Variants in MOV10 observed in about 807,000 individuals in gnomAD.
MOV10 encodes RNA helicase MOV-10.
Under a neutral mutation model 108.4 loss-of-function variants are expected in MOV10, and 39 were observed. That is an observed-to-expected ratio of 0.36 (90% CI 0.28 to 0.47). The LOEUF (loss-of-function observed/expected upper bound fraction) is 0.47, where lower values mean the gene tolerates loss of function less well. Ranked by LOEUF, MOV10 falls within the 20% of genes least tolerant of loss-of-function variation. The pLI is 1.00. For synonymous variants in MOV10, 490 were observed against 523.1 expected, an observed-to-expected ratio of 0.94 and a Z score of 0.86; for missense variants, 952 against 1,297.6, an observed-to-expected ratio of 0.73 and a Z score of 4.09.
At chr1:112,679,440 G>C (rs1672457078) in intron 2 of MOV10, among the ~76,000 whole-genome samples, 1 of 152,104 alleles carries the variant, frequency 6.6e-6, no homozygotes. Context: ...AACGTTTTCT[G>C]TTGATGTTAT....
chr1:112,696,383 G>C (rs1674091153), intron 12 of MOV10, 54 bp from the exon 13 acceptor site: 4 of 1,491,302 alleles, frequency 2.7e-6, no homozygotes, highest in Admixed American at 3.3e-5. Context: ...AAAGCATTCA[G>C]GTTTGGTAGT....
At position 112,694,697 on chromosome 1, in the gene MOV10, G is replaced by A. The variant is rs554565399; in HGVS notation, c.1473-52G>A. 1 of 1,599,498 alleles carries A rather than the reference G, an allele frequency of 6.3e-7. No homozygotes were observed. The highest frequency in any genetic ancestry group is 2.2e-5 in the East Asian group (1 of 44,678). Reference sequence around the variant, plus strand: ...GGGCACAGGGGGTGGAGTCAGGGAGGCCTCTGGGTCACTGGATGACTTCAA... The same window carrying A: ...GGGCACAGGGGGTGGAGTCAGGGAGACCTCTGGGTCACTGGATGACTTCAA... On this transcript the variant is annotated intron_variant, in intron 9 of 20. Coordinates refer to ENST00000369645, the MANE Select transcript of MOV10 (RefSeq NM_001321324.2). This position sits in a 1 kb window ranked among gnomAD's most constrained non-coding sequence, Gnocchi z 4.1.
chr1:112,675,351 A>C lies in MOV10; in HGVS notation c.137+302A>C, dbSNP rs1365544559. Reference sequence around the variant, plus strand: ...GGGCCGGGAGCTGCGTCCCGCGTCCATGCGCCGCTCGCGGGGGCTGAGGGA... The same window carrying C: ...GGGCCGGGAGCTGCGTCCCGCGTCCCTGCGCCGCTCGCGGGGGCTGAGGGA... On this transcript the variant is annotated intron_variant, in intron 2 of 20. Coordinates refer to ENST00000369645, the MANE Select transcript of MOV10 (RefSeq NM_001321324.2). The surrounding 1 kb of genome is among the most constrained non-coding windows in gnomAD (Gnocchi z 4.7). Among the ~76,000 whole-genome samples, 2 of 152,042 alleles carry C rather than the reference A, an allele frequency of 1.3e-5. No individual in the cohort carries two copies. Among genetic ancestry groups the C allele is most frequent in the African/African-American group, 4.8e-5 (2 of 41,424 alleles).
rs1465267472 is a variant in MOV10 at position 112,700,457 on chromosome 1, G to C, written c.2962G>C (p.Glu988Gln). 1 of 1,613,934 alleles carries C rather than the reference G, an allele frequency of 6.2e-7. No individual in the cohort carries two copies. The highest frequency in any genetic ancestry group is 1.7e-5 in the Admixed American group (1 of 59,990). The change falls in exon 21 of 21, where the codon GAA becomes CAA. Residue 988 changes from glutamate to glutamine, a missense_variant. This residue lies in a region of MOV10 where 42 missense variants were observed against 36.5 expected (regional missense o/e 1.15). Transcript: ENST00000369645. ...CTACCTCCCCCAGGAGCGGGAGGGT[G>C]AAGGGGGCCTGTCTCTGCAAGTGGA... ...HDYLPQEREGEGGLSLQVEPE... is the reference protein window; with the variant it reads ...HDYLPQEREGQGGLSLQVEPE...
rs1480404698 is a variant in MOV10, at chr1:112,689,888, A to G, written c.626A>G (p.Tyr209Cys). 6.2e-7 allele frequency: 1 copy of G among 1,614,186 alleles called. No individual in the cohort carries two copies. The highest frequency in any genetic ancestry group is 2.2e-5 in the East Asian group (1 of 44,890). The change falls in exon 5 of 21, where the codon TAC becomes TGC. Residue 209 changes from tyrosine (Y) to cysteine (C), a missense_variant. By Grantham distance (194) the Tyr-to-Cys change is radical (BLOSUM62 -2). Around this residue, in one of 5 missense-constraint regions of MOV10, gnomAD observed 374 missense variants for 468.6 expected, o/e 0.80. Transcript: ENST00000369645. ...HVHCKTSFVG[Y>C]FPATVLWELL... ...CATTGTAAGACCAGCTTTGTGGGCT[A>G]CTTCCCAGCCACAGTGCTCTGGGAG...
At position 112,698,757 on chromosome 1, in the gene MOV10, C is replaced by T; in HGVS notation, c.2551C>T (p.Leu851Phe). The T allele has an allele frequency of 6.2e-7, 1 of 1,614,184 alleles. No individual in the cohort carries two copies. Residue 851 changes from leucine (L) to phenylalanine (F), a missense_variant, in exon 17 of 21, where the codon CTT becomes TTT. This residue lies in a region of MOV10 where 453 missense variants were observed against 611.5 expected (regional missense o/e 0.74). Transcript: ENST00000369645. ...CTGCATCACCAAACTTGACAGGGAG[C>T]TTCGAGGACTGGATGACATCAAGGA... ...RYCITKLDRE[L>F]RGLDDIKDLK...
chr1:112,696,568 C>T (rs1164720528), intron 13 of MOV10, 34 bp downstream of exon 13: 2 of 1,610,576 alleles, frequency 1.2e-6, no homozygotes, highest in African/African-American at 1.3e-5. Flanking sequence ...AGGTATACAC[C>T]CTGTGTGGGT....
In MOV10 at chr1:112,692,738, C is replaced by T. The variant is rs754251226; in HGVS notation, c.972-23C>T. On this transcript the variant is annotated intron_variant, in intron 6 of 20. Coordinates refer to ENST00000369645, the MANE Select transcript of MOV10 (RefSeq NM_001321324.2). ...CCCATCCTGTTCCTGCCCCCACTCACCCCTCCCAACCATCATTTCCAGGGC... is the reference window on the plus strand; with the variant it reads ...CCCATCCTGTTCCTGCCCCCACTCATCCCTCCCAACCATCATTTCCAGGGC... The T allele has an allele frequency of 2.5e-5, 40 of 1,612,452 alleles. No individual in the cohort carries two copies. In the East Asian group the frequency reaches 8.5e-4, roughly 34 times the overall value.
chr1:112,697,298 C>T (rs565834951), intron 14 of MOV10, among the ~76,000 whole-genome samples: 1 of 152,048 alleles, frequency 6.6e-6, no homozygotes, highest in African/African-American at 2.4e-5. Context: ...GGTGAAACCC[C>T]ATCTCTACTA....
chr1:112,688,048 G>GC (rs1673225879), intron 2 of MOV10, among the ~76,000 whole-genome samples: 1 of 151,950 alleles, frequency 6.6e-6, no homozygotes, highest in African/African-American at 2.4e-5. Context: ...CACCTCCTCT[G>GC]CCCCCAGACT....
intron 2 of MOV10, among the ~76,000 whole-genome samples, chr1:112,678,221 C>G (rs1481000121): frequency 1.3e-5 from 2 of 152,066 alleles, no homozygotes; most frequent in African/African-American, 4.8e-5. Flanking sequence ...GCATATTACA[C>G]TGGCTTTGTT....
rs779370835 is a variant in MOV10, at chr1:112,691,782, G to A, written c.954G>A (p.Lys318=). The change falls in exon 6 of 21, where the codon AAG becomes AAA. Residue 318 remains lysine (K), a synonymous_variant. Coordinates refer to ENST00000369645, the MANE Select transcript of MOV10 (RefSeq NM_001321324.2). The part of the protein sequence containing the change: ...LQGTSIFTAP[K]EIAEIKAQLE... ...GAACAAGTATCTTCACTGCCCCTAAGGAGATCGCAGAGATCAAGTAAGTAC... is the reference window on the plus strand; with the variant it reads ...GAACAAGTATCTTCACTGCCCCTAAAGAGATCGCAGAGATCAAGTAAGTAC... 2 of 1,614,026 alleles carry A rather than the reference G, an allele frequency of 1.2e-6. No homozygotes were observed. Among genetic ancestry groups the A allele is most frequent in the South Asian group, 1.1e-5 (1 of 91,076 alleles).
At chr1:112,693,375 G>T (rs1379878633) in intron 7 of MOV10, among the ~76,000 whole-genome samples, 1 of 152,160 alleles carries the variant, frequency 6.6e-6, no homozygotes, top group Non-Finnish European at 1.5e-5. Context: ...CAAGTTTTTT[G>T]TTGTTGTTGT....
At chr1:112,680,567 A>C (rs1672543855) in intron 2 of MOV10, among the ~76,000 whole-genome samples, 1 of 147,446 alleles carries the variant, frequency 6.8e-6, no homozygotes, top group Non-Finnish European at 1.5e-5. Flanking sequence ...GAGGCAGGAG[A>C]ATGGCCTGAA....
Position 112,694,313 on chromosome 1 carries a change from C to T in MOV10, c.1296-140C>T, listed in dbSNP as rs1241447590. ...TCCTCAGGGGTACCCTGAGATGCTA[C>T]GGCAGCTTCCTCTTCTAGAGAACTT... On this transcript the variant is annotated intron_variant, in intron 8 of 20. Transcript: ENST00000369645. This position sits in a 1 kb window ranked among gnomAD's most constrained non-coding sequence, Gnocchi z 4.1. The T allele has an allele frequency of 1.6e-5, 23 of 1,396,466 alleles. No homozygotes were observed. The highest frequency in any genetic ancestry group is 3.8e-5 in the South Asian group (3 of 78,948). 86.5% of individuals were successfully genotyped at this position (1,396,466 alleles called of 1,614,324 possible).
intron 3 of MOV10, 135 bp downstream of exon 3, chr1:112,689,273 G>A: frequency 1.6e-6 from 2 of 1,220,380 alleles, no homozygotes; most frequent in Non-Finnish European, 2.3e-6. Flanking sequence ...GGAAGGGCAG[G>A]GAACTGGTCT....
intron 6 of MOV10, 132 bp downstream of exon 6, chr1:112,691,931 A>C: frequency 2.1e-6 from 2 of 940,260 alleles, no homozygotes; most frequent in Non-Finnish European, 3.2e-6. Context: ...CGCACCATAC[A>C]CCAAGCACCA....
intron 11 of MOV10, 63 bp downstream of exon 11, chr1:112,695,637 C>A (rs1250577972): frequency 7.1e-6 from 11 of 1,546,800 alleles, no homozygotes; most frequent in African/African-American, 2.7e-5. Context: ...AGGGCAGACA[C>A]TGAGGCGAGG....
chr1:112,675,047 C>G lies in MOV10; in HGVS notation c.135C>G (p.Ile45Met). ...CCATTTATAACCGCGACTTCAAGAT[C>G]AGGTACGGGCCGGCCCACTCCCGGC... is the stretch of plus-strand genomic sequence containing the variant. Reference protein sequence around the residue: ...LRTIYNRDFKISFGTPAPGFS... With the variant: ...LRTIYNRDFKMSFGTPAPGFS... The change falls in exon 2 of 21, where the codon ATC becomes ATG. Residue 45 changes from isoleucine (I) to methionine (M), a missense_variant and splice_region_variant. Ile to Met is a conservative substitution (Grantham distance 10, BLOSUM62 1). Coordinates refer to ENST00000369645, the MANE Select transcript of MOV10 (RefSeq NM_001321324.2). The surrounding 1 kb of genome is among the most constrained non-coding windows in gnomAD (Gnocchi z 4.7). 6.3e-7 allele frequency: 1 copy of G among 1,594,512 alleles called. No homozygotes were observed. Among genetic ancestry groups the G allele is most frequent in the Non-Finnish European group, 8.5e-7 (1 of 1,171,158 alleles).
Sources: gnomAD v4.1 joint callset for allele counts (sites outside exome capture counted in the v4.1 genomes callset) on GRCh38, gnomAD v4.1.1 for gene constraint, gnomAD v4.1.1 regional missense constraint, Gnocchi (gnomAD v3.1) non-coding constraint, MANE v1.5 for transcripts, NCBI Gene and HGNC (gene_info 2026-07-23, HGNC 2026-07-21) for gene names.